The following GLB1L3 variants were observed in gnomAD, a reference collection of about 807,000 sequenced individuals.
The protein encoded by GLB1L3 is galactosidase beta 1 like 3.
GLB1L3 carries 89 observed loss-of-function variants against 89.5 expected under a neutral mutation model. That is an observed-to-expected ratio of 0.99 (90% CI 0.84 to 1.19). The LOEUF (loss-of-function observed/expected upper bound fraction) is 1.19, where lower values mean the gene tolerates loss of function less well. Among genes scored for constraint, GLB1L3 ranks in the 50% most tolerant of loss-of-function variants. GLB1L3 has a pLI of 0.00. For missense variants in GLB1L3, 812 were observed against 813.3 expected, an observed-to-expected ratio of 1.00 and a Z score of 0.02; for synonymous variants, 314 against 312.3, an observed-to-expected ratio of 1.01 and a Z score of -0.06.
intron 5 of GLB1L3, among the ~76,000 whole-genome samples, chr11:134,282,912 C>T (rs1032294385): frequency 2.6e-5 from 4 of 152,194 alleles, no homozygotes; most frequent in African/African-American, 7.2e-5. Context: ...CAGTGACTCC[C>T]GGCATAGCTT....
At chr11:134,286,866 AAATT>A (rs1941027088) in intron 6 of GLB1L3, among the ~76,000 whole-genome samples, 1 of 151,386 alleles carries the variant, frequency 6.6e-6, no homozygotes, top group Non-Finnish European at 1.5e-5. Flanking sequence ...CATTTATACA[AAATT>A]AATGTCCAGG....
intron 14 of GLB1L3, 133 bp from the exon 15 acceptor site, chr11:134,312,683 C>T (rs1274627978): frequency 2.1e-6 from 2 of 951,802 alleles, no homozygotes; most frequent in South Asian, 3.1e-5. Context: ...GGCCTCCAGG[C>T]AGCTTCATGC....
At position 134,319,049 on chromosome 11, in the gene GLB1L3, G is replaced by A. The variant is rs1053410416; in HGVS notation, c.*107G>A. 1 of 775,922 alleles carries A rather than the reference G, an allele frequency of 1.3e-6. No individual in the cohort carries two copies. The highest frequency in any genetic ancestry group is 1.7e-5 in the African/African-American group (1 of 58,126). 48.1% of individuals were successfully genotyped at this position (775,922 alleles called of 1,614,324 possible). On this transcript the variant is annotated 3_prime_UTR_variant, in exon 20 of 20. Coordinates refer to ENST00000431683, the MANE Select transcript of GLB1L3 (RefSeq NM_001080407.3). ...TGCTCACTGCAAGCTCAGCCTCTCG[G>A]GTTCACGCCATTCTCCTGCCTCAGC... is the stretch of plus-strand genomic sequence containing the variant.
At chr11:134,324,261 C>A (rs537067379), downstream of GLB1L3, among the ~76,000 whole-genome samples, 2 of 152,252 alleles carry the variant, frequency 1.3e-5, no homozygotes, top group East Asian at 3.9e-4. Context: ...ATCTGATATA[C>A]AAGACATGGA....
downstream of GLB1L3, among the ~76,000 whole-genome samples, chr11:134,323,336 C>T (rs886895556): frequency 1.3e-5 from 2 of 152,096 alleles, no homozygotes; most frequent in South Asian, 2.1e-4. Context: ...GCCTGGCCAA[C>T]GTGGTGAAAC....
At chr11:134,308,719 G>T (rs1942569846) in intron 10 of GLB1L3, among the ~76,000 whole-genome samples, 1 of 147,622 alleles carries the variant, frequency 6.8e-6, no homozygotes. Context: ...CTGGTCTCTT[G>T]TATGGCAGGC....
intron 4 of GLB1L3, 65 bp from the exon 5 acceptor site, chr11:134,281,960 T>A: frequency 8.3e-7 from 1 of 1,204,950 alleles, no homozygotes; most frequent in Non-Finnish European, 1.1e-6. Flanking sequence ...CTGTGATGCG[T>A]GTGGCCCCCA....
intron 9 of GLB1L3, among the ~76,000 whole-genome samples, chr11:134,306,429 A>C (rs1301484662): frequency 6.6e-6 from 1 of 152,230 alleles, no homozygotes; most frequent in Non-Finnish European, 1.5e-5. Context: ...ATGAAACCAA[A>C]GTAGAAGAGA....
At chr11:134,277,537 C>G (rs1940444060) in intron 2 of GLB1L3, 86 bp downstream of exon 2, 1 of 1,557,282 alleles carries the variant, frequency 6.4e-7, no homozygotes, top group South Asian at 1.1e-5. Flanking sequence ...ATGCACAGAA[C>G]ACGTCCTACT....
chr11:134,323,591 T>C (rs1484518783), downstream of GLB1L3, among the ~76,000 whole-genome samples: 1 of 151,798 alleles, frequency 6.6e-6, no homozygotes, highest in African/African-American at 2.4e-5. Context: ...AAAAAAGTAA[T>C]CTCTTAAATT....
At chr11:134,312,205 C>A in intron 13 of GLB1L3, 144 bp from the exon 14 acceptor site, 2 of 849,380 alleles carry the variant, frequency 2.4e-6, no homozygotes, top group Non-Finnish European at 3.7e-6. Context: ...AAGCACAGAG[C>A]AGTGTCACAT....
In GLB1L3 at chr11:134,288,828, C is replaced by T; in HGVS notation, c.667C>T (p.Gln223Ter). Residue 223 changes from glutamine (Q) to a stop codon, truncating the protein, a stop_gained, in exon 7 of 20, where the codon CAA becomes TAA. Transcript: ENST00000431683. LOFTEE classifies it high-confidence loss of function. ...YRQAGPVIAVQVENEYGSFNK... is the reference protein window; with the variant it reads ...YRQAGPVIAV Reference sequence around the variant, plus strand: ...CCAGGCAGGCCCTGTCATCGCGGTGCAAGTGGAGAATGAGTATGGCTCATT... The same window carrying T: ...CCAGGCAGGCCCTGTCATCGCGGTGTAAGTGGAGAATGAGTATGGCTCATT... 6.2e-7 allele frequency: 1 copy of T among 1,613,362 alleles called. No individual in the cohort carries two copies. The highest frequency in any genetic ancestry group is 8.5e-7 in the Non-Finnish European group (1 of 1,179,590).
At chr11:134,278,341 G>C (rs1350672559) in intron 3 of GLB1L3, among the ~76,000 whole-genome samples, 1 of 152,034 alleles carries the variant, frequency 6.6e-6, no homozygotes, top group Non-Finnish European at 1.5e-5. Context: ...CTGGAGTGCA[G>C]TGGCCCGATC....
intron 8 of GLB1L3, chr11:134,292,864 C>T (rs1055191652): frequency 1.9e-6 from 1 of 522,640 alleles, no homozygotes; most frequent in South Asian, 2.1e-5. Flanking sequence ...AAGCCTGTGT[C>T]CCGTTTCCAG....
intron 7 of GLB1L3, among the ~76,000 whole-genome samples, chr11:134,290,539 C>T (rs1144228): frequency 0.39 from 56,564 of 144,472 alleles, 12,286 homozygotes; most frequent in Non-Finnish European, 0.49. Flanking sequence ...TGCCACTGGA[C>T]TCCAGCCTGG....
intron 9 of GLB1L3, among the ~76,000 whole-genome samples, chr11:134,296,865 A>AATAATAATAAT (rs1565402704): frequency 1.6e-4 from 12 of 73,382 alleles, no homozygotes; most frequent in Non-Finnish European, 3.6e-4. Context: ...ATAATAATAA[A>AATAATAATAAT]AACAAACAAA....
chr11:134,296,348 A>C (rs1482807705), intron 9 of GLB1L3, among the ~76,000 whole-genome samples: 3 of 139,204 alleles, frequency 2.2e-5, no homozygotes, highest in Middle Eastern at 3.5e-3. Flanking sequence ...CTGGGTATAT[A>C]CCCAAAGGAC....
chr11:134,309,511 G>A (rs924843947), intron 10 of GLB1L3, 115 bp from the exon 11 acceptor site: 11 of 612,290 alleles, frequency 1.8e-5, no homozygotes, highest in South Asian at 3.1e-5. Context: ...GCCGTGAAGC[G>A]AGGAGTTACT....
chr11:134,278,774 C>T (rs146462273), intron 3 of GLB1L3, among the ~76,000 whole-genome samples: 18 of 152,202 alleles, frequency 1.2e-4, no homozygotes, highest in African/African-American at 2.4e-4. Context: ...AGGCAGTAAA[C>T]TGGTTCATTT....
Sources: gnomAD v4.1 joint callset for allele counts (sites outside exome capture counted in the v4.1 genomes callset) on GRCh38, gnomAD v4.1.1 for gene constraint, MANE v1.5 for transcripts, NCBI Gene and HGNC (gene_info 2026-07-23, HGNC 2026-07-21) for gene names.